Variants in KIF14 observed in about 807,000 individuals in gnomAD.
The protein encoded by KIF14 is kinesin family member 14.
A neutral mutation model predicts 176.2 loss-of-function variants in KIF14; 98 were observed. That is an observed-to-expected ratio of 0.56 (90% CI 0.47 to 0.66). KIF14 has a LOEUF of 0.66. Among genes scored for constraint, KIF14 ranks in the 30% least tolerant of loss-of-function variants. The pLI is 0.00. For missense variants in KIF14, 1,751 were observed against 1,920.4 expected, an observed-to-expected ratio of 0.91 and a Z score of 1.65; for synonymous variants, 566 against 632.2, an observed-to-expected ratio of 0.90 and a Z score of 1.57.
intron 21 of KIF14, among the ~76,000 whole-genome samples, chr1:200,579,756 C>T (rs1658342427): frequency 6.6e-6 from 1 of 151,760 alleles, no homozygotes; most frequent in Admixed American, 6.6e-5. Flanking sequence ...TAAAAGATGA[C>T]AAAATAAGAT....
chr1:200,610,669 T>C (rs1459869055), intron 4 of KIF14, among the ~76,000 whole-genome samples: 1 of 152,182 alleles, frequency 6.6e-6, no homozygotes. Flanking sequence ...TAAAGAAGTA[T>C]AAGACAAGAT....
At position 200,555,458 on chromosome 1, in the gene KIF14, T is replaced by C. The variant is rs1205769893; in HGVS notation, c.4354-4A>G. The C allele has an allele frequency of 2.1e-6, 3 of 1,456,774 alleles. No individual in the cohort carries two copies. The highest frequency in any genetic ancestry group is 1.4e-5 in the African/African-American group (1 of 69,430). The allele number at this position is 1,456,774 out of a possible 1,614,324, so 90.2% of individuals were successfully genotyped here. A position where few individuals can be genotyped will look rare whatever the true frequency, so the allele number is the denominator to read the frequency against. ...TAGTTTTCATTTCTTTGGTAACCTA[T>C]AGAGAATGTTAAAATATTTTATTAT... On this transcript the variant is annotated splice_polypyrimidine_tract_variant and splice_region_variant and intron_variant, in intron 27 of 29. Coordinates refer to ENST00000367350, the MANE Select transcript of KIF14 (RefSeq NM_014875.3).
In KIF14 at chr1:200,555,362, A is replaced by G. The variant is rs1656778048; in HGVS notation, c.4428+18T>C. On this transcript the variant is annotated intron_variant, in intron 28 of 29. Transcript: ENST00000367350. ...TAAAAAATAAGCAAAATTAAAATCAATTTAAAGCTTCTCTTACAATTTTCG... is the reference window on the plus strand; with the variant it reads ...TAAAAAATAAGCAAAATTAAAATCAGTTTAAAGCTTCTCTTACAATTTTCG... 2 of 1,465,244 alleles carry G rather than the reference A, an allele frequency of 1.4e-6. No individual in the cohort carries two copies. Among genetic ancestry groups the G allele is most frequent in the East Asian group, 2.3e-5 (1 of 42,834 alleles). The allele number at this position is 1,465,244 out of a possible 1,614,324, so 90.8% of individuals were successfully genotyped here.
rs150001112 is a variant in KIF14, at chr1:200,593,672, G to A, written c.2647C>T (p.Arg883Cys). 5.0e-5 allele frequency: 80 copies of A among 1,585,112 alleles called. No homozygotes were observed. Among genetic ancestry groups the A allele is most frequent in the African/African-American group, 1.9e-4 (14 of 74,246 alleles). ...GKHILEITVL[R>C]HGDRVILGGD... is the part of the protein sequence containing the mutation. ...TATAGCACCCATCCACTTACATGAC[G>A]TAATACTGTGATTTCCAAAATATGT... The change falls in exon 15 of 30, where the codon CGT becomes TGT. Residue 883 changes from arginine to cysteine, a missense_variant. Coordinates refer to ENST00000367350, the MANE Select transcript of KIF14 (RefSeq NM_014875.3).
At chr1:200,614,267 T>A in intron 4 of KIF14, 51 bp downstream of exon 4, 1 of 982,334 alleles carries the variant, frequency 1.0e-6, no homozygotes, top group Non-Finnish European at 1.6e-6. Flanking sequence ...TGAACTTGAT[T>A]TGACTATTTT....
intron 20 of KIF14, 69 bp downstream of exon 20, chr1:200,581,132 A>AAAG (rs992242334): frequency 6.4e-6 from 5 of 784,678 alleles, no homozygotes; most frequent in East Asian, 2.8e-5. Flanking sequence ...AAAAAAAAAA[A>AAAG]AGAGAAACTA....
intron 22 of KIF14, among the ~76,000 whole-genome samples, chr1:200,573,594 G>A (rs986178928): frequency 6.6e-6 from 1 of 151,800 alleles, no homozygotes; most frequent in South Asian, 2.1e-4. Context: ...CCGCCACCGC[G>A]CCCGGCAAGG....
intron 20 of KIF14, 142 bp downstream of exon 20, chr1:200,581,059 A>G (rs1327611633): frequency 1.5e-5 from 6 of 403,054 alleles, no homozygotes; most frequent in Non-Finnish European, 2.6e-5. Flanking sequence ...GGTTGCAGTG[A>G]GCCCAGATTG....
At position 200,609,332 on chromosome 1, in the gene KIF14, G is replaced by A. The variant is rs1348584560; in HGVS notation, c.1456-404C>T. 3.3e-5 allele frequency among the ~76,000 whole-genome samples: 5 copies of A among 152,032 alleles called. No individual in the cohort carries two copies. In the East Asian group the frequency reaches 9.6e-4, roughly 29 times the overall value. ...GGTGCGGCCAATGTGGAAAATAGTT[G>A]ACAGTTCCTTGAAAGGTTAAAAATA... On this transcript the variant is annotated intron_variant, in intron 4 of 29. Transcript: ENST00000367350.
chr1:200,586,062 A>G, intron 19 of KIF14, 39 bp downstream of exon 19: 1 of 1,381,040 alleles, frequency 7.2e-7, no homozygotes, highest in Non-Finnish European at 9.6e-7. Context: ...TAACATGCAT[A>G]ATTTTAGAAA....
At position 200,599,425 on chromosome 1, in the gene KIF14, A is replaced by G. The variant is rs140881487; in HGVS notation, c.2364+625T>C. On this transcript the variant is annotated intron_variant, in intron 13 of 29. Transcript: ENST00000367350. ...AATGTGCTCTTCCTTTTCTCTTCCT[A>G]TTAAAATCTTACCCAAACTTCAAAG... Among the ~76,000 whole-genome samples, 1,225 of 152,166 alleles carry G rather than the reference A, an allele frequency of 8.1e-3. 11 individuals are homozygous for G. The highest frequency in any genetic ancestry group is 0.026 in the African/African-American group (1,098 of 41,506).
At chr1:200,565,039 C>T in intron 25 of KIF14, 30 bp downstream of exon 25, 4 of 1,531,084 alleles carry the variant, frequency 2.6e-6, no homozygotes, top group Non-Finnish European at 2.7e-6. Flanking sequence ...TAAATGAATC[C>T]TTCAAATGAT....
chr1:200,594,382 A>C (rs922630263), intron 14 of KIF14, among the ~76,000 whole-genome samples: 70 of 151,530 alleles, frequency 4.6e-4, no homozygotes, highest in Non-Finnish European at 8.6e-4. Context: ...AAAAAAAAAA[A>C]AAAAAAAAAA....
At chr1:200,581,326 T>C (rs997342667) in intron 19 of KIF14, 32 bp from the exon 20 acceptor site, 24 of 1,277,608 alleles carry the variant, frequency 1.9e-5, no homozygotes, top group Non-Finnish European at 2.5e-5. Flanking sequence ...AGATTCAAAA[T>C]ACATACATGG....
Position 200,589,383 on chromosome 1 carries a change from T to A in KIF14, c.2962-14A>T. The A allele has an allele frequency of 6.3e-7, 1 of 1,578,290 alleles. No individual in the cohort carries two copies. The highest frequency in any genetic ancestry group is 1.2e-5 in the South Asian group (1 of 85,782). On this transcript the variant is annotated splice_polypyrimidine_tract_variant and intron_variant, in intron 17 of 29. Transcript: ENST00000367350. ...AGACTCTTCTCTCTTTAAAGAACAA[T>A]AATAAAAAATATCTCAGGCAAAAAC...
chr1:200,601,720 T>C (rs1571546208), intron 11 of KIF14, among the ~76,000 whole-genome samples, 176 bp downstream of exon 11: 2 of 152,320 alleles, frequency 1.3e-5, no homozygotes, highest in Non-Finnish European at 2.9e-5. Flanking sequence ...CCTTATTACT[T>C]ATTATCTGTC....
chr1:200,586,201 A>G lies in KIF14; in HGVS notation c.3141T>C (p.His1047=), dbSNP rs369733766. 2 of 1,598,840 alleles carry G rather than the reference A, an allele frequency of 1.3e-6. No homozygotes were observed. The highest frequency in any genetic ancestry group is 1.7e-4 in the Middle Eastern group (1 of 5,934). The change falls in exon 19 of 30, where the codon CAT becomes CAC. Residue 1047 remains histidine, a synonymous_variant. Coordinates refer to ENST00000367350, the MANE Select transcript of KIF14 (RefSeq NM_014875.3). ...TTTCTAAAGCTTCCAGAATTCTTGC[A>G]TGGCGGATGCTATGGTCTTCTAAAG... is the stretch of plus-strand genomic sequence containing the variant. ...KQALEDHSIR[H]ARILEALETE...
chr1:200,555,319 T>C, intron 28 of KIF14, 61 bp downstream of exon 28: 1 of 1,070,090 alleles, frequency 9.3e-7, no homozygotes, highest in Non-Finnish European at 1.4e-6. Flanking sequence ...ATATCTACAT[T>C]TGAACCAAGT....
chr1:200,614,323 G>C lies in KIF14; in HGVS notation c.1450C>G (p.Gln484Glu), dbSNP rs770457124. 27 of 1,574,792 alleles carry C rather than the reference G, an allele frequency of 1.7e-5. No individual in the cohort carries two copies. Among genetic ancestry groups the C allele is most frequent in the Non-Finnish European group, 2.4e-5 (27 of 1,145,656 alleles). The change falls in exon 4 of 30, where the codon CAA becomes GAA. Residue 484 changes from glutamine to glutamate, a missense_variant. By Grantham distance (29) the Gln-to-Glu change is conservative (BLOSUM62 2). Coordinates refer to ENST00000367350, the MANE Select transcript of KIF14 (RefSeq NM_014875.3). ...CAGGTATTATAAGAACATACCTCTT[G>C]GGTTTGTTTTCTGGCTACTTGAGAA... Reference protein sequence around the residue: ...LFSQVARKQTQEVSYHIEMSF... With the variant: ...LFSQVARKQTEEVSYHIEMSF...
Sources: allele counts gnomAD v4.1 joint callset (sites outside exome capture counted in the v4.1 genomes callset), GRCh38; gene constraint gnomAD v4.1.1; transcripts MANE v1.5; gene names NCBI Gene and HGNC (gene_info 2026-07-23, HGNC 2026-07-21).